Variants in KCNMB2 observed in about 807,000 individuals in gnomAD.
The protein encoded by KCNMB2 is potassium calcium-activated channel subfamily M regulatory beta subunit 2, also known as calcium-activated potassium channel subunit beta-2.
A neutral mutation model predicts 24.5 loss-of-function variants in KCNMB2; 9 were observed. The ratio of observed to expected loss-of-function variants is 0.37; its 90% CI spans 0.22 to 0.64. KCNMB2 has a LOEUF of 0.64. Among genes scored for constraint, KCNMB2 ranks in the 30% least tolerant of loss-of-function variants. KCNMB2 has a pLI of 0.63. For missense variants in KCNMB2, 226 were observed against 284.3 expected, an observed-to-expected ratio of 0.79 and a Z score of 1.47; for synonymous variants, 109 against 104.4, an observed-to-expected ratio of 1.04 and a Z score of -0.27.
intron 1 of KCNMB2, among the ~76,000 whole-genome samples, chr3:178,744,794 C>A (rs2108381436): frequency 6.6e-6 from 1 of 152,264 alleles, no homozygotes; most frequent in African/African-American, 2.4e-5. Flanking sequence ...TCCCCACAGC[C>A]TGATTTTGCT....
chr3:178,557,970 T>C (rs1293273725), intron 1 of KCNMB2, among the ~76,000 whole-genome samples: 1 of 152,180 alleles, frequency 6.6e-6, no homozygotes, highest in African/African-American at 2.4e-5. Context: ...CCTCCTGACC[T>C]CTGCTGTGAG....
At chr3:178,790,526 G>T (rs987417212) in intron 1 of KCNMB2, among the ~76,000 whole-genome samples, 2 of 152,146 alleles carry the variant, frequency 1.3e-5, no homozygotes, top group African/African-American at 4.8e-5. Flanking sequence ...GGCTGGAGGG[G>T]TGATCACTGC....
At chr3:178,619,381 A>G (rs879707316) in intron 1 of KCNMB2, among the ~76,000 whole-genome samples, 4 of 152,186 alleles carry the variant, frequency 2.6e-5, no homozygotes, top group Non-Finnish European at 4.4e-5. Context: ...AACCTAAAGA[A>G]ATACTCAGAG....
At chr3:178,813,007 C>T (rs908974352) in intron 2 of KCNMB2, among the ~76,000 whole-genome samples, 1 of 152,062 alleles carries the variant, frequency 6.6e-6, no homozygotes, top group African/African-American at 2.4e-5. Context: ...AAAAAAAACT[C>T]TAGGGATTTT....
intron 1 of KCNMB2, among the ~76,000 whole-genome samples, chr3:178,587,913 C>T (rs533885120): frequency 4.3e-5 from 6 of 141,050 alleles, no homozygotes; most frequent in African/African-American, 1.6e-4. Flanking sequence ...CAACAGGCCC[C>T]GGTGTGTGAT....
intron 1 of KCNMB2, among the ~76,000 whole-genome samples, chr3:178,640,335 A>G (rs1014018537): frequency 3.3e-5 from 5 of 152,180 alleles, no homozygotes; most frequent in Admixed American, 1.3e-4. Flanking sequence ...CAGAAGGCAA[A>G]GGGGAAGCAA....
Position 178,759,651 on chromosome 3 carries a change from A to C in KCNMB2, c.-67-47692A>C, listed in dbSNP as rs796071416. Among the ~76,000 whole-genome samples, 64 of 102,738 alleles carry C rather than the reference A, an allele frequency of 6.2e-4. 3 individuals are homozygous for C. The highest frequency in any genetic ancestry group is 1.9e-3 in the African/African-American group (52 of 27,736). The allele number at this position is 102,738 out of a possible 152,430, so 67.4% of individuals were successfully genotyped here. ...TCTCCAAGAGGATATATATATATAT[A>C]TCTCCAAGAGGGATATATATATATA... is the stretch of plus-strand genomic sequence containing the variant. On this transcript the variant is annotated intron_variant, in intron 1 of 4. Coordinates refer to ENST00000452583, the MANE Select transcript of KCNMB2 (RefSeq NM_181361.3).
chr3:178,620,337 T>G (rs187826705), intron 1 of KCNMB2, among the ~76,000 whole-genome samples: 142 of 151,086 alleles, frequency 9.4e-4, no homozygotes, highest in African/African-American at 3.2e-3. Flanking sequence ...TGGAAAAAAT[T>G]TTAAATTATT....
At chr3:178,650,361 G>T (rs1022924383) in intron 1 of KCNMB2, among the ~76,000 whole-genome samples, 2 of 151,972 alleles carry the variant, frequency 1.3e-5, no homozygotes, top group Admixed American at 6.6e-5. Flanking sequence ...TATTAGGTCC[G>T]CTTGATCCTG....
chr3:178,721,823 T>C (rs1029029123), intron 1 of KCNMB2, among the ~76,000 whole-genome samples: 12 of 152,254 alleles, frequency 7.9e-5, no homozygotes, highest in Non-Finnish European at 1.5e-4. Flanking sequence ...ACTTCCCAAA[T>C]AGCTGATGGT....
intron 1 of KCNMB2, among the ~76,000 whole-genome samples, chr3:178,641,313 A>C (rs1177904270): frequency 6.6e-6 from 1 of 152,192 alleles, no homozygotes; most frequent in Non-Finnish European, 1.5e-5. Flanking sequence ...TAAGTCTTCT[A>C]AATCAATAAA....
chr3:178,706,952 T>C (rs1722297868), intron 1 of KCNMB2, among the ~76,000 whole-genome samples: 1 of 152,178 alleles, frequency 6.6e-6, no homozygotes, highest in Non-Finnish European at 1.5e-5. Context: ...GGCACATGTA[T>C]ACCTATGTAA....
intron 3 of KCNMB2, among the ~76,000 whole-genome samples, chr3:178,826,055 T>G (rs1387657008): frequency 6.6e-6 from 1 of 152,158 alleles, no homozygotes; most frequent in African/African-American, 2.4e-5. Context: ...TCAAGAGAGA[T>G]ATGATTTCCC....
chr3:178,724,840 G>C (rs1722915074), intron 1 of KCNMB2, among the ~76,000 whole-genome samples: 2 of 151,968 alleles, frequency 1.3e-5, no homozygotes, highest in Non-Finnish European at 2.9e-5. Flanking sequence ...TCAGGGGTCT[G>C]TATTCTCTTC....
intron 1 of KCNMB2, among the ~76,000 whole-genome samples, chr3:178,694,281 C>T (rs1559977109): frequency 6.6e-6 from 1 of 152,124 alleles, no homozygotes; most frequent in Non-Finnish European, 1.5e-5. Context: ...CCACCTAGTC[C>T]CTCCTATAAC....
At chr3:178,669,787 T>C (rs964817665) in intron 1 of KCNMB2, among the ~76,000 whole-genome samples, 2 of 151,906 alleles carry the variant, frequency 1.3e-5, no homozygotes, top group African/African-American at 2.4e-5. Context: ...TGGAAAAACA[T>C]CATGGAAGGA....
At chr3:178,835,579 G>C (rs1397808190) in intron 4 of KCNMB2, among the ~76,000 whole-genome samples, 1 of 151,804 alleles carries the variant, frequency 6.6e-6, no homozygotes, top group Non-Finnish European at 1.5e-5. Context: ...AGAATGCAAA[G>C]TCTGGTACAT....
rs34303143 is a variant in KCNMB2, at chr3:178,731,851, C to T, written c.-67-75492C>T. Among the ~76,000 whole-genome samples, 3 of 152,192 alleles carry T rather than the reference C, an allele frequency of 2.0e-5. No homozygotes were observed. In the East Asian group the frequency reaches 5.8e-4, roughly 29 times the overall value. On this transcript the variant is annotated intron_variant, in intron 1 of 4. Transcript: ENST00000452583. Reference sequence around the variant, plus strand: ...CCGTGGGGCAGAGTTTGCAGTGAGCCTAGGTTGTGCCGCTGCACTCCAGCT... The same window carrying T: ...CCGTGGGGCAGAGTTTGCAGTGAGCTTAGGTTGTGCCGCTGCACTCCAGCT...
intron 1 of KCNMB2, among the ~76,000 whole-genome samples, chr3:178,547,045 C>A (rs922536747): frequency 4.6e-5 from 7 of 152,186 alleles, no homozygotes; most frequent in African/African-American, 1.7e-4. Flanking sequence ...AAGGTGGGAC[C>A]TTTAGGTGAG....
Sources: gnomAD v4.1 joint callset for allele counts (sites outside exome capture counted in the v4.1 genomes callset) on GRCh38, gnomAD v4.1.1 for gene constraint, MANE v1.5 for transcripts, NCBI Gene and HGNC (gene_info 2026-07-23, HGNC 2026-07-21) for gene names.